WWOX: variants seen among roughly 807,000 people sequenced by gnomAD.
The protein encoded by WWOX is WW domain containing oxidoreductase.
In WWOX, 69 loss-of-function variants were observed where a neutral mutation model predicts 46.2. The observed-to-expected ratio is 1.49, with a 90% CI of 1.23 to 1.82. The LOEUF is 1.82. Among genes scored for constraint, WWOX ranks in the 40% most tolerant of loss-of-function variants. The probability of loss-of-function intolerance (pLI) is 0.00; values close to 1 mark genes in which losing one functional copy is unlikely to be tolerated. For synonymous variants in WWOX, 359 were observed against 202.6 expected, an observed-to-expected ratio of 1.77 and a Z score of -6.56; for missense variants, 919 against 542.6, an observed-to-expected ratio of 1.69 and a Z score of -6.89.
intron 8 of WWOX, among the ~76,000 whole-genome samples, chr16:79,041,796 C>G (rs942877632): frequency 6.6e-6 from 1 of 152,168 alleles, no homozygotes; most frequent in African/African-American, 2.4e-5. Flanking sequence ...TACGCTTTTG[C>G]TTTAGCTTCC....
chr16:79,106,177 T>C (rs2049304298), intron 8 of WWOX, among the ~76,000 whole-genome samples: 2 of 152,226 alleles, frequency 1.3e-5, no homozygotes, highest in Admixed American at 1.3e-4. Flanking sequence ...CAGCCGTCTA[T>C]ATTTCAGCAA....
intron 5 of WWOX, among the ~76,000 whole-genome samples, chr16:78,178,550 G>C (rs1384512564): frequency 6.6e-6 from 1 of 152,136 alleles, no homozygotes; most frequent in African/African-American, 2.4e-5. Flanking sequence ...TTCATACCCG[G>C]AATTCGCATA....
intron 8 of WWOX, among the ~76,000 whole-genome samples, chr16:78,510,396 G>T (rs1234690666): frequency 6.6e-6 from 1 of 152,068 alleles, no homozygotes; most frequent in East Asian, 1.9e-4. Flanking sequence ...AGTAGAGATG[G>T]AGTTTCACCC....
At chr16:78,409,222 TTGAG>T (rs1181260694) in intron 6 of WWOX, among the ~76,000 whole-genome samples, 2 of 152,108 alleles carry the variant, frequency 1.3e-5, no homozygotes, top group Non-Finnish European at 2.9e-5. Context: ...TTGTAATGAA[TTGAG>T]TTTTAAAGCT....
chr16:79,033,591 A>C (rs1172917667), intron 8 of WWOX, among the ~76,000 whole-genome samples: 2 of 152,114 alleles, frequency 1.3e-5, no homozygotes, highest in Non-Finnish European at 2.9e-5. Context: ...AACTATTTTA[A>C]AGTGGACAGT....
At chr16:78,430,329 G>T (rs967085980) in intron 7 of WWOX, among the ~76,000 whole-genome samples, 3 of 152,072 alleles carry the variant, frequency 2.0e-5, no homozygotes, top group African/African-American at 7.2e-5. Context: ...TTTGGGTGGG[G>T]ACACAGCCGA....
intron 8 of WWOX, among the ~76,000 whole-genome samples, chr16:78,700,221 ATG>A (rs1378882842): frequency 6.6e-6 from 1 of 150,778 alleles, no homozygotes; most frequent in Non-Finnish European, 1.5e-5. Context: ...TGGAAGTCAG[ATG>A]TCAGGGCACC....
At chr16:78,436,912 G>A (rs2083347691) in intron 8 of WWOX, among the ~76,000 whole-genome samples, 2 of 152,146 alleles carry the variant, frequency 1.3e-5, no homozygotes, top group South Asian at 4.1e-4. Context: ...ACATATTTTT[G>A]GATATAAGCC....
intron 8 of WWOX, among the ~76,000 whole-genome samples, chr16:78,657,889 G>T (rs562761059): frequency 3.9e-5 from 6 of 152,142 alleles, no homozygotes; most frequent in Admixed American, 2.0e-4. Context: ...GAGCCTGGCG[G>T]TGATTGTTCT....
At chr16:79,171,729 T>C (rs1209833548) in intron 8 of WWOX, among the ~76,000 whole-genome samples, 1 of 152,206 alleles carries the variant, frequency 6.6e-6, no homozygotes, top group African/African-American at 2.4e-5. Context: ...TTCATTCACG[T>C]TGAAAGCACT....
chr16:78,832,522 C>G (rs1214081937), intron 8 of WWOX, among the ~76,000 whole-genome samples: 1 of 152,164 alleles, frequency 6.6e-6, no homozygotes, highest in East Asian at 1.9e-4. Flanking sequence ...CTAAGACCAC[C>G]ACACTCTGCC....
intron 8 of WWOX, among the ~76,000 whole-genome samples, chr16:78,462,237 A>C (rs530441403): frequency 2.0e-5 from 3 of 149,086 alleles, no homozygotes; most frequent in African/African-American, 7.5e-5. Flanking sequence ...TCTCTTGCTC[A>C]CGCTCTTTTT....
chr16:78,144,609 C>T (rs1225636890), intron 4 of WWOX, among the ~76,000 whole-genome samples: 2 of 145,478 alleles, frequency 1.4e-5, no homozygotes, highest in Admixed American at 1.4e-4. Flanking sequence ...GCAACCTCTG[C>T]CTCCCAGGTT....
rs146256739 is a variant in WWOX at position 78,353,859 on chromosome 16, G to C, written c.517-33001G>C. 1.5e-4 allele frequency among the ~76,000 whole-genome samples: 23 copies of C among 152,344 alleles called. No individual in the cohort carries two copies. In the East Asian group the frequency reaches 4.4e-3, roughly 29 times the overall value. On this transcript the variant is annotated intron_variant, in intron 5 of 8. Coordinates refer to ENST00000566780, the MANE Select transcript of WWOX (RefSeq NM_016373.4). Reference sequence around the variant, plus strand: ...TGGCGTTCGCTTTACCCTTGCCCTTGATGTGGTGCCGAGTTGTCAGGATTC... The same window carrying C: ...TGGCGTTCGCTTTACCCTTGCCCTTCATGTGGTGCCGAGTTGTCAGGATTC...
chr16:78,779,825 G>C (rs1158592297), intron 8 of WWOX, among the ~76,000 whole-genome samples: 2 of 152,164 alleles, frequency 1.3e-5, no homozygotes, highest in Non-Finnish European at 2.9e-5. Flanking sequence ...TGGCCCCAAG[G>C]AAGGAAAGGG....
At chr16:79,070,655 G>C (rs28403332) in intron 8 of WWOX, among the ~76,000 whole-genome samples, 1,541 of 152,186 alleles carry the variant, frequency 0.01, 24 homozygotes, top group African/African-American at 0.035. Flanking sequence ...GGCGTGAGAG[G>C]GTATGCGAGA....
intron 8 of WWOX, among the ~76,000 whole-genome samples, chr16:78,692,232 A>C (rs1217497108): frequency 6.6e-6 from 1 of 152,208 alleles, no homozygotes; most frequent in Non-Finnish European, 1.5e-5. Context: ...GGTTTTATTA[A>C]TATCTAGTCC....
intron 8 of WWOX, among the ~76,000 whole-genome samples, chr16:78,899,945 C>T (rs192433518): frequency 6.6e-5 from 10 of 152,114 alleles, no homozygotes; most frequent in African/African-American, 2.2e-4. Context: ...GAAGCTGTAC[C>T]CTTGGTACTA....
intron 8 of WWOX, among the ~76,000 whole-genome samples, chr16:78,785,464 A>AAAAC (rs1311757525): frequency 6.6e-6 from 1 of 152,232 alleles, no homozygotes; most frequent in Non-Finnish European, 1.5e-5. Context: ...GGCTCTCTGA[A>AAAAC]AAACAAACAA....
Sources: allele counts gnomAD v4.1 joint callset (sites outside exome capture counted in the v4.1 genomes callset), GRCh38; gene constraint gnomAD v4.1.1; transcripts MANE v1.5; gene names NCBI Gene and HGNC (gene_info 2026-07-23, HGNC 2026-07-21).